The following PNPLA8 variants were observed in gnomAD, a reference collection of about 807,000 sequenced individuals.
The protein encoded by PNPLA8 is patatin like domain 8, phospholipase A2.
PNPLA8 carries 39 observed loss-of-function variants against 76.9 expected under a neutral mutation model. The ratio of observed to expected loss-of-function variants is 0.51; its 90% CI spans 0.39 to 0.66. The LOEUF (loss-of-function observed/expected upper bound fraction) is 0.66, where lower values mean the gene tolerates loss of function less well. Among genes scored for constraint, PNPLA8 ranks in the 30% least tolerant of loss-of-function variants. PNPLA8 has a pLI of 0.00. For synonymous variants in PNPLA8, 301 were observed against 307.9 expected (o/e 0.98, Z 0.24); for missense variants, 887 against 918.0 (o/e 0.97, Z 0.44).
chr7:108,486,280 A>G (rs1284626096), intron 9 of PNPLA8, among the ~76,000 whole-genome samples: 2 of 152,158 alleles, frequency 1.3e-5, no homozygotes, highest in Non-Finnish European at 2.9e-5. Flanking sequence ...AGCACTATTA[A>G]GGTTATAACT....
intron 9 of PNPLA8, among the ~76,000 whole-genome samples, chr7:108,480,324 C>T (rs1476479002): frequency 6.6e-6 from 1 of 152,144 alleles, no homozygotes; most frequent in Non-Finnish European, 1.5e-5. Flanking sequence ...GCTGAGATCA[C>T]ACCACTGCAC....
intron 4 of PNPLA8, among the ~76,000 whole-genome samples, chr7:108,504,565 T>C (rs969676034): frequency 6.6e-6 from 1 of 152,214 alleles, no homozygotes; most frequent in Non-Finnish European, 1.5e-5. Flanking sequence ...GTTCCACATA[T>C]TCACTGCAAT....
At chr7:108,519,447 C>CA (rs1863584700) in intron 2 of PNPLA8, among the ~76,000 whole-genome samples, 1 of 152,082 alleles carries the variant, frequency 6.6e-6, no homozygotes, top group Admixed American at 6.5e-5. Flanking sequence ...GCAGAGATTA[C>CA]ATGTAGTCTA....
intron 4 of PNPLA8, among the ~76,000 whole-genome samples, chr7:108,503,727 G>C (rs1862129766): frequency 6.6e-6 from 1 of 152,154 alleles, no homozygotes; most frequent in Non-Finnish European, 1.5e-5. Context: ...GTAAACTATA[G>C]CTTTTCTTCC....
At chr7:108,512,281 T>A (rs1190806883) in intron 4 of PNPLA8, among the ~76,000 whole-genome samples, 1 of 152,236 alleles carries the variant, frequency 6.6e-6, no homozygotes, top group Non-Finnish European at 1.5e-5. Flanking sequence ...ATTACAGTGG[T>A]AATCTGAGGG....
chr7:108,500,157 A>C (rs1361945919), intron 5 of PNPLA8, among the ~76,000 whole-genome samples: 1 of 152,170 alleles, frequency 6.6e-6, no homozygotes, highest in Non-Finnish European at 1.5e-5. Flanking sequence ...GTAGGCCCCC[A>C]ATATTTGTTA....
intron 4 of PNPLA8, among the ~76,000 whole-genome samples, chr7:108,509,957 C>G (rs1242359210): frequency 7.2e-6 from 1 of 138,148 alleles, no homozygotes; most frequent in Non-Finnish European, 1.5e-5. Context: ...TATTCTCACT[C>G]ATAGATGGGA....
intron 8 of PNPLA8, among the ~76,000 whole-genome samples, chr7:108,489,751 A>AT (rs1397171618): frequency 3.9e-5 from 6 of 152,058 alleles, no homozygotes; most frequent in African/African-American, 1.5e-4. Flanking sequence ...CACTTGTTTG[A>AT]TTTTTCATGG....
rs1270059511 is a variant in PNPLA8 at position 108,472,591 on chromosome 7, T to C, written c.2159A>G (p.Asp720Gly). 1.9e-6 allele frequency: 3 copies of C among 1,612,860 alleles called. No individual in the cohort carries two copies. In the African/African-American group the frequency reaches 4.0e-5, roughly 22 times the overall value. The change falls in exon 11 of 11, where the codon GAT becomes GGT. Residue 720 changes from aspartate to glycine, a missense_variant. By Grantham distance (94) the Asp-to-Gly change is moderately conservative. Coordinates refer to ENST00000257694, the MANE Select transcript of PNPLA8 (RefSeq NM_001256007.3). ...NPVMCENIPL[D>G]ESRNEKLDQL... ...ATCCAGCTTTTCATTTCGACTTTCA[T>C]CTAGAGGTATGTTTTCACACATTAC...
chr7:108,488,504 G>A (rs1860914042), intron 8 of PNPLA8, among the ~76,000 whole-genome samples: 1 of 152,128 alleles, frequency 6.6e-6, no homozygotes, highest in South Asian at 2.1e-4. Flanking sequence ...CCCAGGAGGT[G>A]GGGGTTGGAG....
intron 9 of PNPLA8, among the ~76,000 whole-genome samples, chr7:108,485,916 G>A (rs554984205): frequency 3.3e-5 from 5 of 151,914 alleles, no homozygotes; most frequent in Non-Finnish European, 7.4e-5. Flanking sequence ...GTGGCAATAT[G>A]CTTTACATAA....
At chr7:108,522,461 T>C (rs1863815401) in intron 1 of PNPLA8, among the ~76,000 whole-genome samples, 1 of 152,122 alleles carries the variant, frequency 6.6e-6, no homozygotes, top group African/African-American at 2.4e-5. Context: ...AACCGCCAAT[T>C]AGAAAATTTT....
At chr7:108,477,969 G>T (rs1282769060) in intron 10 of PNPLA8, among the ~76,000 whole-genome samples, 1 of 152,196 alleles carries the variant, frequency 6.6e-6, no homozygotes, top group African/African-American at 2.4e-5. Flanking sequence ...AGCAAACTGG[G>T]TAAGTCAAAG....
intron 5 of PNPLA8, among the ~76,000 whole-genome samples, chr7:108,499,604 T>C (rs1261798920): frequency 6.6e-6 from 1 of 152,208 alleles, no homozygotes; most frequent in African/African-American, 2.4e-5. Flanking sequence ...GTATGATGTT[T>C]AGTCACAACT....
chr7:108,527,398 T>C (rs1200594533), upstream of PNPLA8, among the ~76,000 whole-genome samples: 1 of 152,184 alleles, frequency 6.6e-6, no homozygotes, highest in Non-Finnish European at 1.5e-5. Flanking sequence ...GTTATTTAGC[T>C]ACAGGAGAGT....
chr7:108,479,438 C>T, intron 9 of PNPLA8, 59 bp from the exon 10 acceptor site: 1 of 1,147,500 alleles, frequency 8.7e-7, no homozygotes, highest in Non-Finnish European at 1.3e-6. Flanking sequence ...GAAAGCTGAA[C>T]TATGTAATAA....
intron 5 of PNPLA8, among the ~76,000 whole-genome samples, chr7:108,500,582 A>C (rs1424023359): frequency 6.6e-6 from 1 of 152,152 alleles, no homozygotes; most frequent in Non-Finnish European, 1.5e-5. Flanking sequence ...AGTGATCTTG[A>C]CCTATGTCTA....
chr7:108,481,166 T>C (rs947877803), intron 9 of PNPLA8, among the ~76,000 whole-genome samples: 1 of 152,232 alleles, frequency 6.6e-6, no homozygotes, highest in Non-Finnish European at 1.5e-5. Context: ...AAAAAGTTGC[T>C]ATACACATGT....
chr7:108,483,790 C>G (rs1266445706), intron 9 of PNPLA8, among the ~76,000 whole-genome samples: 1 of 152,136 alleles, frequency 6.6e-6, no homozygotes, highest in Non-Finnish European at 1.5e-5. Flanking sequence ...AATAATTAAG[C>G]TATTTCCTAA....
Sources: allele counts gnomAD v4.1 joint callset (sites outside exome capture counted in the v4.1 genomes callset), GRCh38; gene constraint gnomAD v4.1.1; transcripts MANE v1.5; gene names NCBI Gene and HGNC (gene_info 2026-07-23, HGNC 2026-07-21).